PDZRN4: variants seen among roughly 807,000 people sequenced by gnomAD.
PDZRN4 encodes the protein PDZ domain-containing RING finger protein 4.
PDZRN4 carries 70 observed loss-of-function variants against 99.0 expected under a neutral mutation model. That is an observed-to-expected ratio of 0.71 (90% CI 0.58 to 0.86). The LOEUF (loss-of-function observed/expected upper bound fraction) is 0.86, where lower values mean the gene tolerates loss of function less well. Among genes scored for constraint, PDZRN4 ranks in the 40% least tolerant of loss-of-function variants. The pLI, the probability that PDZRN4 is intolerant of heterozygous loss-of-function variation, is 0.00. For missense variants in PDZRN4, 1,474 were observed against 1,331.2 expected (o/e 1.11, Z -1.67); for synonymous variants, 551 against 501.6 (o/e 1.10, Z -1.32).
intron 3 of PDZRN4, among the ~76,000 whole-genome samples, chr12:41,335,054 T>C (rs1242149452): frequency 1.3e-5 from 2 of 152,038 alleles, no homozygotes; most frequent in East Asian, 3.9e-4. Context: ...AAAAATAGGT[T>C]AGGTAAAAAT....
At chr12:41,428,903 C>T (rs1006192898) in intron 3 of PDZRN4, among the ~76,000 whole-genome samples, 1 of 152,102 alleles carries the variant, frequency 6.6e-6, no homozygotes, top group Non-Finnish European at 1.5e-5. Flanking sequence ...ATTGACAGGG[C>T]CTTGTCACTA....
intron 3 of PDZRN4, among the ~76,000 whole-genome samples, chr12:41,403,791 G>A (rs563703840): frequency 6.6e-6 from 1 of 151,994 alleles, no homozygotes; most frequent in Non-Finnish European, 1.5e-5. Flanking sequence ...CAAAATATTT[G>A]TTAATTACTT....
At chr12:41,236,255 T>G (rs2120770292) in intron 3 of PDZRN4, among the ~76,000 whole-genome samples, 1 of 152,252 alleles carries the variant, frequency 6.6e-6, no homozygotes, top group East Asian at 1.9e-4. Flanking sequence ...AAAGATTGAT[T>G]CTTTGCAGGG....
chr12:41,192,779 T>C (rs1237343393), intron 2 of PDZRN4, among the ~76,000 whole-genome samples: 1 of 152,234 alleles, frequency 6.6e-6, no homozygotes, highest in Non-Finnish European at 1.5e-5. Context: ...CCGAGTTCTT[T>C]GTTTGATTGC....
intron 3 of PDZRN4, among the ~76,000 whole-genome samples, chr12:41,423,619 G>A (rs907126902): frequency 2.0e-5 from 3 of 152,052 alleles, no homozygotes; most frequent in African/African-American, 7.2e-5. Flanking sequence ...TCATAAAAAT[G>A]TTGCCCAACT....
chr12:41,423,363 TTAACTCCCACTGATAA>T (rs991485566), intron 3 of PDZRN4, among the ~76,000 whole-genome samples: 6 of 152,088 alleles, frequency 3.9e-5, no homozygotes. Context: ...TTCTCATTGT[TTAACTCCCACTGATAA>T]GTGAGAACAT....
intron 3 of PDZRN4, among the ~76,000 whole-genome samples, chr12:41,399,117 T>C (rs1380252973): frequency 6.6e-6 from 1 of 152,070 alleles, no homozygotes; most frequent in Non-Finnish European, 1.5e-5. Context: ...TTATTATATG[T>C]AGTAAAAAAG....
Position 41,409,146 on chromosome 12 carries a change from AT to A in PDZRN4, c.844-97308del, listed in dbSNP as rs776869019. ...TGATAAAATGTCTCTTTAAAGTCAT[AT>A]TAATATAACCTGTAAATAAAGGGAA... On this transcript the variant is annotated intron_variant, in intron 3 of 9. Transcript: ENST00000402685. 5.9e-5 allele frequency among the ~76,000 whole-genome samples: 9 copies of A among 152,318 alleles called. No homozygotes were observed. In the East Asian group the frequency reaches 9.6e-4, roughly 16 times the overall value.
intron 5 of PDZRN4, among the ~76,000 whole-genome samples, chr12:41,547,851 T>G (rs992239601): frequency 1.3e-5 from 2 of 152,150 alleles, no homozygotes; most frequent in African/African-American, 4.8e-5. Context: ...GATGACTTTT[T>G]AAGGGGATTC....
intron 3 of PDZRN4, among the ~76,000 whole-genome samples, chr12:41,420,624 C>T (rs117184031): frequency 6.5e-4 from 99 of 152,264 alleles, no homozygotes; most frequent in Non-Finnish European, 1.2e-3. Context: ...TGACAATTCC[C>T]TCTGTTTGAA....
intron 2 of PDZRN4, among the ~76,000 whole-genome samples, chr12:41,192,251 G>A (rs1380326198): frequency 1.3e-5 from 2 of 151,108 alleles, no homozygotes; most frequent in Non-Finnish European, 3.0e-5. Context: ...TTATAGGCGT[G>A]TGCCACCACG....
At chr12:41,570,174 G>A (rs1939449145) in intron 9 of PDZRN4, among the ~76,000 whole-genome samples, 1 of 152,118 alleles carries the variant, frequency 6.6e-6, no homozygotes, top group African/African-American at 2.4e-5. Flanking sequence ...TTCTCATTGT[G>A]TGGAATTTTT....
chr12:41,481,041 G>A (rs962925274), intron 3 of PDZRN4, among the ~76,000 whole-genome samples: 5 of 151,116 alleles, frequency 3.3e-5, no homozygotes, highest in African/African-American at 9.7e-5. Flanking sequence ...AATGAATTAA[G>A]CTGCACATGA....
intron 3 of PDZRN4, among the ~76,000 whole-genome samples, chr12:41,346,173 A>G (rs1407913640): frequency 6.6e-6 from 1 of 152,148 alleles, no homozygotes; most frequent in Non-Finnish European, 1.5e-5. Flanking sequence ...TATTTGGTTT[A>G]TAAATTGGGC....
chr12:41,208,898 A>G (rs545588557), intron 3 of PDZRN4, among the ~76,000 whole-genome samples: 16 of 152,012 alleles, frequency 1.1e-4, no homozygotes, highest in African/African-American at 3.9e-4. Context: ...GATTTTCCAG[A>G]AGTTTTACAC....
intron 9 of PDZRN4, among the ~76,000 whole-genome samples, chr12:41,571,340 T>A (rs995161821): frequency 1.8e-4 from 14 of 76,290 alleles, no homozygotes; most frequent in African/African-American, 6.5e-4. Flanking sequence ...CCAGAGTCTC[T>A]CTCTCTCTCT....
chr12:41,241,676 C>G (rs1398609437), intron 3 of PDZRN4, among the ~76,000 whole-genome samples: 1 of 152,148 alleles, frequency 6.6e-6, no homozygotes, highest in African/African-American at 2.4e-5. Flanking sequence ...ATTACACACA[C>G]AGACATTTTT....
At chr12:41,281,493 C>G (rs937431025) in intron 3 of PDZRN4, among the ~76,000 whole-genome samples, 2 of 152,078 alleles carry the variant, frequency 1.3e-5, no homozygotes, top group African/African-American at 4.8e-5. Flanking sequence ...TAATTGCTAA[C>G]TAGAATAACC....
At chr12:41,283,899 TATC>T (rs1173715040) in intron 3 of PDZRN4, among the ~76,000 whole-genome samples, 1 of 152,162 alleles carries the variant, frequency 6.6e-6, no homozygotes, top group African/African-American at 2.4e-5. Context: ...CCACAGCCAA[TATC>T]ATACTGAATG....
Sources: allele counts gnomAD v4.1 joint callset (sites outside exome capture counted in the v4.1 genomes callset), GRCh38; gene constraint gnomAD v4.1.1; transcripts MANE v1.5; gene names NCBI Gene and HGNC (gene_info 2026-07-23, HGNC 2026-07-21).